The following LOXL2 variants were observed in gnomAD, a reference collection of about 807,000 sequenced individuals.
LOXL2 encodes lysyl oxidase like 2.
In LOXL2, 70 loss-of-function variants were observed where a neutral mutation model predicts 93.0. The ratio of observed to expected loss-of-function variants is 0.75; its 90% CI spans 0.62 to 0.92. The LOEUF is 0.92. Among genes scored for constraint, LOXL2 ranks in the 40% least tolerant of loss-of-function variants. The pLI is 0.00. For missense variants in LOXL2, 973 were observed against 1,054.9 expected, an observed-to-expected ratio of 0.92 and a Z score of 1.08; for synonymous variants, 438 against 413.2, an observed-to-expected ratio of 1.06 and a Z score of -0.73.
At chr8:23,395,127 G>A (rs940861371) in intron 1 of LOXL2, among the ~76,000 whole-genome samples, 6 of 152,072 alleles carry the variant, frequency 3.9e-5, no homozygotes, top group Non-Finnish European at 8.8e-5. Flanking sequence ...TGTGGCGCAC[G>A]CCTGTAGTTC....
chr8:23,305,946 G>A (rs538039730), intron 10 of LOXL2, among the ~76,000 whole-genome samples: 6 of 152,062 alleles, frequency 3.9e-5, no homozygotes, highest in Admixed American at 2.6e-4. Flanking sequence ...CGAGTAGCTG[G>A]GACTACAGAG....
intron 1 of LOXL2, among the ~76,000 whole-genome samples, chr8:23,370,376 C>G (rs540063581): frequency 1.3e-5 from 2 of 152,062 alleles, no homozygotes; most frequent in Non-Finnish European, 2.9e-5. Flanking sequence ...TGGTGCTTTA[C>G]ATTGTTGTCA....
chr8:23,403,772 G>C (rs1488589275), intron 1 of LOXL2, 182 bp downstream of exon 1: 1 of 152,262 alleles, frequency 6.6e-6, no homozygotes, highest in Non-Finnish European at 1.5e-5. Flanking sequence ...GGCCGCCCGG[G>C]GCGGCAGGAG....
At chr8:23,314,017 A>G (rs1380927735) in intron 9 of LOXL2, among the ~76,000 whole-genome samples, 1 of 138,186 alleles carries the variant, frequency 7.2e-6, no homozygotes, top group Non-Finnish European at 1.6e-5. Flanking sequence ...GAAGACATTT[A>G]TGCAGCCAAA....
At chr8:23,341,691 C>T (rs1803885149) in intron 3 of LOXL2, among the ~76,000 whole-genome samples, 1 of 152,184 alleles carries the variant, frequency 6.6e-6, no homozygotes, top group Admixed American at 6.5e-5. Flanking sequence ...TAGAGGACCC[C>T]CAGATGTCCT....
chr8:23,313,328 C>G (rs1273296113), intron 9 of LOXL2, among the ~76,000 whole-genome samples: 1 of 152,028 alleles, frequency 6.6e-6, no homozygotes, highest in Non-Finnish European at 1.5e-5. Context: ...AAAAAGAGCC[C>G]GCATCACCAA....
At chr8:23,350,971 C>T (rs1356975326) in intron 3 of LOXL2, among the ~76,000 whole-genome samples, 1 of 152,138 alleles carries the variant, frequency 6.6e-6, no homozygotes, top group Non-Finnish European at 1.5e-5. Context: ...CCTGACCACC[C>T]ACCACACAAC....
intron 12 of LOXL2, among the ~76,000 whole-genome samples, chr8:23,301,406 A>G (rs1803129038): frequency 6.6e-6 from 1 of 152,172 alleles, no homozygotes; most frequent in Non-Finnish European, 1.5e-5. Flanking sequence ...CCTTCCACCC[A>G]GAGTATGTGG....
chr8:23,366,059 C>A (rs570441343), intron 2 of LOXL2: 12 of 152,336 alleles, frequency 7.9e-5, no homozygotes, highest in African/African-American at 1.9e-4. Flanking sequence ...AAACCACAAC[C>A]CCCTTGTCTG....
intron 2 of LOXL2, among the ~76,000 whole-genome samples, chr8:23,367,052 G>GT (rs963191715): frequency 1.3e-5 from 2 of 152,136 alleles, no homozygotes; most frequent in East Asian, 1.9e-4. Context: ...TTTTTGTTTT[G>GT]TTTTTTGTTT....
At chr8:23,402,357 A>G (rs780191926) in intron 1 of LOXL2, among the ~76,000 whole-genome samples, 2 of 152,186 alleles carry the variant, frequency 1.3e-5, no homozygotes, top group Non-Finnish European at 2.9e-5. Flanking sequence ...GTGAGACTCA[A>G]TTTCCTTGGG....
intron 8 of LOXL2, 122 bp downstream of exon 8, chr8:23,319,763 G>A (rs370397145): frequency 4.5e-6 from 5 of 1,112,842 alleles, no homozygotes; most frequent in African/African-American, 3.1e-5. Context: ...TGGGTCCAGG[G>A]CAACTTGCTC....
chr8:23,377,928 AG>A (rs1332380658), intron 1 of LOXL2, among the ~76,000 whole-genome samples: 2 of 152,204 alleles, frequency 1.3e-5, no homozygotes, highest in Admixed American at 6.5e-5. Context: ...TGGAGCATTT[AG>A]CCCATTTACA....
chr8:23,328,740 T>TGTGTCGTGG (rs1279041275), intron 5 of LOXL2, 175 bp from the exon 6 acceptor site: 3 of 630,838 alleles, frequency 4.8e-6, no homozygotes, highest in Admixed American at 2.5e-5. Flanking sequence ...TGTGTGTGTG[T>TGTGTCGTGG]GTGTGTCGTG....
chr8:23,373,132 A>G (rs1205338736), intron 1 of LOXL2, among the ~76,000 whole-genome samples: 1 of 152,212 alleles, frequency 6.6e-6, no homozygotes, highest in East Asian at 1.9e-4. Flanking sequence ...ATCTCCATCC[A>G]GCTCACAGTA....
chr8:23,347,614 C>T (rs1804016120), intron 3 of LOXL2, among the ~76,000 whole-genome samples: 2 of 152,130 alleles, frequency 1.3e-5, no homozygotes, highest in African/African-American at 4.8e-5. Context: ...TGCACCACTG[C>T]ACTCCAGCCT....
chr8:23,391,335 T>A (rs1249201599), intron 1 of LOXL2, among the ~76,000 whole-genome samples: 1 of 152,198 alleles, frequency 6.6e-6, no homozygotes, highest in Admixed American at 6.5e-5. Context: ...GGTCTCAGAT[T>A]CAAATCTGGC....
rs149128589 is a variant in LOXL2 at position 23,328,395 on chromosome 8, G to C, written c.1137C>G (p.Ser379=). The change falls in exon 6 of 14, where the codon TCC becomes TCG. Residue 379 remains serine (S), a synonymous_variant. Transcript: ENST00000389131. ...FGSAKEAVTG[S]RLGQGIGPIH... Reference sequence around the variant, plus strand: ...CCCATTCCTTACCTTGCCCCAGTCGGGAGCCAGTGACTGCCTCTTTGGCAC... The same window carrying C: ...CCCATTCCTTACCTTGCCCCAGTCGCGAGCCAGTGACTGCCTCTTTGGCAC... The C allele has an allele frequency of 6.2e-7, 1 of 1,613,904 alleles. No homozygotes were observed. Among genetic ancestry groups the C allele is most frequent in the Non-Finnish European group, 8.5e-7 (1 of 1,180,006 alleles).
chr8:23,354,522 G>A (rs1000286231), intron 3 of LOXL2, among the ~76,000 whole-genome samples: 1 of 152,106 alleles, frequency 6.6e-6, no homozygotes, highest in Non-Finnish European at 1.5e-5. Flanking sequence ...AAGGCCATCA[G>A]GGGCTGGAGA....
Sources: allele counts gnomAD v4.1 joint callset (sites outside exome capture counted in the v4.1 genomes callset), GRCh38; gene constraint gnomAD v4.1.1; transcripts MANE v1.5; gene names NCBI Gene and HGNC (gene_info 2026-07-23, HGNC 2026-07-21).